The following ZFHX3 variants were observed in gnomAD, a reference collection of about 807,000 sequenced individuals.
The protein encoded by ZFHX3 is zinc finger homeobox protein 3.
In ZFHX3, 42 loss-of-function variants were observed where a neutral mutation model predicts 279.1. The ratio of observed to expected loss-of-function variants is 0.15; its 90% confidence interval spans 0.12 to 0.19. The LOEUF (loss-of-function observed/expected upper bound fraction) is 0.19. Among genes scored for constraint, ZFHX3 ranks in the 10% least tolerant of loss-of-function variants. ZFHX3 has a pLI of 1.00. For synonymous variants in ZFHX3, 2,293 were observed against 1,957.8 expected, an observed-to-expected ratio of 1.17 and a Z score of -4.52; for missense variants, 4,981 against 4,754.0, an observed-to-expected ratio of 1.05 and a Z score of -1.40.
intron 9 of ZFHX3, chr16:72,790,357 C>G (rs1281583707): frequency 6.6e-6 from 1 of 152,100 alleles, no homozygotes; most frequent in Non-Finnish European, 1.5e-5. Context: ...TCAGAGGACA[C>G]CAAAATGCAA....
At chr16:73,699,074 A>G (rs953229319) in intron 1 of ZFHX3, among the ~76,000 whole-genome samples, 2 of 152,060 alleles carry the variant, frequency 1.3e-5, no homozygotes, top group African/African-American at 2.4e-5. Context: ...TAGTAGAGAC[A>G]AGGTTTCACC....
intron 4 of ZFHX3, among the ~76,000 whole-genome samples, chr16:73,299,810 T>C (rs1378886269): frequency 6.6e-6 from 1 of 152,186 alleles, no homozygotes; most frequent in Admixed American, 6.5e-5. Context: ...AAGCATGCTA[T>C]ATGCTTCTAA....
chr16:73,133,000 A>G (rs1008351607), intron 6 of ZFHX3, among the ~76,000 whole-genome samples: 4 of 152,228 alleles, frequency 2.6e-5, no homozygotes, highest in African/African-American at 9.6e-5. Context: ...GTGGAAGGCC[A>G]GCTGCTCCAG....
At chr16:73,384,376 C>G (rs558265390) in intron 3 of ZFHX3, among the ~76,000 whole-genome samples, 1 of 152,210 alleles carries the variant, frequency 6.6e-6, no homozygotes, top group Non-Finnish European at 1.5e-5. Context: ...CTCTAGGCAA[C>G]GTCCTGGATT....
At chr16:73,549,266 A>T (rs1160539910) in intron 2 of ZFHX3, among the ~76,000 whole-genome samples, 1 of 152,186 alleles carries the variant, frequency 6.6e-6, no homozygotes, top group Non-Finnish European at 1.5e-5. Flanking sequence ...AAACAGCATT[A>T]TTAGTAAGTG....
At chr16:73,620,555 T>C (rs2052348970) in intron 2 of ZFHX3, among the ~76,000 whole-genome samples, 1 of 152,220 alleles carries the variant, frequency 6.6e-6, no homozygotes, top group Admixed American at 6.5e-5. Flanking sequence ...CACAGTGCTT[T>C]ATTACATACT....
intron 3 of ZFHX3, among the ~76,000 whole-genome samples, chr16:72,925,517 G>A (rs12926748): frequency 0.13 from 19,827 of 152,270 alleles, 1,742 homozygotes; most frequent in Non-Finnish European, 0.2. Flanking sequence ...GCATACGCAC[G>A]CTGTGGGGTC....
At chr16:73,096,939 G>C (rs1847641246) in intron 7 of ZFHX3, among the ~76,000 whole-genome samples, 1 of 152,142 alleles carries the variant, frequency 6.6e-6, no homozygotes, top group South Asian at 2.1e-4. Context: ...ACAGCCATAA[G>C]TATGTGCTGT....
At chr16:73,662,802 G>A (rs1344089743) in intron 2 of ZFHX3, among the ~76,000 whole-genome samples, 1 of 152,110 alleles carries the variant, frequency 6.6e-6, no homozygotes, top group African/African-American at 2.4e-5. Context: ...CTCATTTCCT[G>A]CACACATCAC....
chr16:73,083,932 G>C (rs187529635), intron 8 of ZFHX3, among the ~76,000 whole-genome samples: 1 of 152,116 alleles, frequency 6.6e-6, no homozygotes. Flanking sequence ...CCTGTTCTAC[G>C]TGAGGTCTAG....
At chr16:73,770,187 A>G (rs2054002025) in intron 1 of ZFHX3, among the ~76,000 whole-genome samples, 1 of 152,264 alleles carries the variant, frequency 6.6e-6, no homozygotes, top group Non-Finnish European at 1.5e-5. Flanking sequence ...ACAAAGGCCC[A>G]TAAAGTGGAG....
chr16:73,559,071 C>G (rs2020331555), intron 2 of ZFHX3, among the ~76,000 whole-genome samples: 1 of 151,682 alleles, frequency 6.6e-6, no homozygotes, highest in Non-Finnish European at 1.5e-5. Flanking sequence ...TGTGTAGAGA[C>G]AGAGCCTCAC....
intron 3 of ZFHX3, among the ~76,000 whole-genome samples, chr16:73,352,172 C>T (rs187991815): frequency 6.6e-6 from 1 of 152,302 alleles, no homozygotes; most frequent in Admixed American, 6.5e-5. Flanking sequence ...TAGCTCATGC[C>T]TCTCACCCGC....
Position 72,951,033 on chromosome 16 carries a change from C to A in ZFHX3, c.2720-68G>T, listed in dbSNP as rs1960972538. The A allele has an allele frequency of 4.5e-6, 7 of 1,552,604 alleles. No homozygotes were observed. The South Asian group carries it at 7.3e-5, about 16-fold the overall frequency. ...TGGTCACGGCCACAGCTGAGGCACC[C>A]CCCAGCCCTCCGCCACCCTCAACTG... On this transcript the variant is annotated intron_variant, in intron 2 of 9. Transcript: ENST00000268489.
upstream of ZFHX3, among the ~76,000 whole-genome samples, chr16:73,049,756 G>A (rs1470842361): frequency 1.3e-5 from 2 of 152,178 alleles, no homozygotes; most frequent in Non-Finnish European, 2.9e-5. Flanking sequence ...TGGAGGATGA[G>A]TTTGCAAACC....
chr16:73,781,874 C>G (rs141777049), intron 1 of ZFHX3, among the ~76,000 whole-genome samples: 53 of 152,210 alleles, frequency 3.5e-4, no homozygotes, highest in African/African-American at 1.2e-3. Flanking sequence ...GTAATCCCAG[C>G]TACTCAGGAG....
intron 2 of ZFHX3, among the ~76,000 whole-genome samples, chr16:73,473,358 C>CAAAAAAAAAAAAAAAAAAAAA (rs1300049292): frequency 2.3e-5 from 1 of 43,164 alleles, no homozygotes; most frequent in Admixed American, 2.8e-4. Context: ...AAAAAAAAAA[C>CAAAAAAAAAAAAAAAAAAAAA]AAAAAAAAAA....
chr16:72,783,127 TATAGAA>T lies in ZFHX3; in HGVS notation c.*4031_*4036del, dbSNP rs1202767573. 2 of 152,610 alleles carry T rather than the reference TATAGAA, an allele frequency of 1.3e-5. No homozygotes were observed. The highest frequency in any genetic ancestry group is 2.4e-5 in the African/African-American group (1 of 41,448). 9.5% of individuals were successfully genotyped at this position (152,610 alleles called of 1,614,324 possible). On this transcript the variant is annotated 3_prime_UTR_variant, in exon 10 of 10. Transcript: ENST00000268489. ...AACAAAAAAGCTAACAAGACTACAT[TATAGAA>T]AAACACCAAGAACATCATTTTTGGT...
chr16:72,858,466 T>A (rs2037806254), intron 4 of ZFHX3, among the ~76,000 whole-genome samples: 1 of 152,052 alleles, frequency 6.6e-6, no homozygotes, highest in Non-Finnish European at 1.5e-5. Context: ...GAGGTGAAAA[T>A]AAAGAGAGAG....
Sources: allele counts gnomAD v4.1 joint callset (sites outside exome capture counted in the v4.1 genomes callset), GRCh38; gene constraint gnomAD v4.1.1; transcripts MANE v1.5; gene names NCBI Gene and HGNC (gene_info 2026-07-23, HGNC 2026-07-21).